The following LLGL2 variants were observed in gnomAD, a reference collection of about 807,000 sequenced individuals.
The protein encoded by LLGL2 is LLGL scribble cell polarity complex component 2.
Under a neutral mutation model 123.2 loss-of-function variants are expected in LLGL2, and 81 were observed. That is an observed-to-expected ratio of 0.66 (90% CI 0.55 to 0.79). The LOEUF (loss-of-function observed/expected upper bound fraction) is 0.79. Ranked by LOEUF, LLGL2 falls within the 30% of genes least tolerant of loss-of-function variation. The probability of loss-of-function intolerance (pLI) is 0.00; values close to 1 mark genes in which losing one functional copy is unlikely to be tolerated. For synonymous variants in LLGL2, 577 were observed against 594.1 expected (o/e 0.97, Z 0.42); for missense variants, 1,273 against 1,414.6 (o/e 0.90, Z 1.61).
chr17:75,547,117 A>G (rs1449658606), intron 2 of LLGL2, among the ~76,000 whole-genome samples: 1 of 152,180 alleles, frequency 6.6e-6, no homozygotes, highest in Admixed American at 6.5e-5. Flanking sequence ...CTTTTGGCTC[A>G]ACTCCTTTAT....
At chr17:75,572,213 A>C (rs1480952734) in intron 19 of LLGL2, 149 bp downstream of exon 19, 3 of 827,112 alleles carry the variant, frequency 3.6e-6, no homozygotes, top group Non-Finnish European at 5.7e-6. Context: ...GTGAGGGGGG[A>C]GTCTCGTGTG....
rs143338056 is a variant in LLGL2 at position 75,563,152 on chromosome 17, G to A, written c.667G>A (p.Val223Met). ...VVIWDLQGSR[V>M]LYHFLSSQQL... ...CATCTGGGACCTACAGGGCAGCCGC[G>A]TGCTCTACCACTTCCTCAGCAGCCA... Residue 223 changes from valine to methionine, a missense_variant, in exon 7 of 26, where the codon GTG becomes ATG. By Grantham distance (21) the Val-to-Met change is conservative (BLOSUM62 1). Coordinates refer to ENST00000392550, the MANE Select transcript of LLGL2 (RefSeq NM_001031803.2). 4.2e-3 allele frequency: 6,766 copies of A among 1,613,112 alleles called. 17 individuals carry two copies. Among genetic ancestry groups the A allele is most frequent in the Middle Eastern group, 0.012 (70 of 6,062 alleles).
At chr17:75,550,835 G>T (rs2054640410) in intron 2 of LLGL2, among the ~76,000 whole-genome samples, 1 of 150,822 alleles carries the variant, frequency 6.6e-6, no homozygotes, top group African/African-American at 2.4e-5. Flanking sequence ...GGCAACTGGG[G>T]CACAGCCAGA....
intron 3 of LLGL2, chr17:75,557,874 C>CTGA (rs1318051230): frequency 2.1e-6 from 1 of 476,754 alleles, no homozygotes; most frequent in East Asian, 4.0e-5. Flanking sequence ...GGGTGGCAGC[C>CTGA]TGACAGTTGC....
Position 75,573,596 on chromosome 17 carries a change from C to G in LLGL2, c.2841C>G (p.Asn947Lys). 6.2e-7 allele frequency: 1 copy of G among 1,611,384 alleles called. No homozygotes were observed. Among genetic ancestry groups the G allele is most frequent in the South Asian group, 1.1e-5 (1 of 91,064 alleles). Reference protein sequence around the residue: ...SAETKNHRPGNGAGPKKAPSR... With the variant: ...SAETKNHRPGKGAGPKKAPSR... ...AAACCAAGAACCACCGCCCTGGTAA[C>G]GGTGCGGGCCCCAAGAAGGCCCCGA... The change falls in exon 21 of 26, where the codon AAC becomes AAG. Residue 947 changes from asparagine to lysine, a missense_variant. By Grantham distance (94) the Asn-to-Lys change is moderately conservative. Coordinates refer to ENST00000392550, the MANE Select transcript of LLGL2 (RefSeq NM_001031803.2).
chr17:75,534,404 C>T (rs190860223), intron 1 of LLGL2, among the ~76,000 whole-genome samples: 1 of 152,344 alleles, frequency 6.6e-6, no homozygotes, highest in African/African-American at 2.4e-5. Flanking sequence ...AGCAGGCAGC[C>T]CCTTTGTCCT....
intron 6 of LLGL2, chr17:75,562,596 T>G: frequency 1.0e-5 from 2 of 191,386 alleles, no homozygotes; most frequent in East Asian, 1.3e-4. Context: ...GGAAATGGAG[T>G]CTCACTCTGT....
rs188039356 is a variant in LLGL2, at chr17:75,555,519, C to T, written c.76-527C>T. Among the ~76,000 whole-genome samples the T allele has an allele frequency of 4.6e-5, 7 of 152,238 alleles. No individual in the cohort carries two copies. In the East Asian group the frequency reaches 1.2e-3, roughly 25 times the overall value. ...TGGGAAGATGGTTGGAATTTGGTGA[C>T]AGTAAGAGTCTGTGAGACCCAGCTG... On this transcript the variant is annotated intron_variant, in intron 2 of 25. Transcript: ENST00000392550.
rs1406572677 is a variant in LLGL2 at position 75,573,116 on chromosome 17, C to T, written c.2563C>T (p.Arg855Ter). The T allele has an allele frequency of 9.3e-6, 15 of 1,612,756 alleles. No individual in the cohort carries two copies. The highest frequency in any genetic ancestry group is 1.6e-4 in the Middle Eastern group (1 of 6,078). Reference sequence around the variant, plus strand: ...CAGCGTGGCCCACTTCGGCAGTCGTCGAGCCGAGGACTACGGGGAGCACCA... The same window carrying T: ...CAGCGTGGCCCACTTCGGCAGTCGTTGAGCCGAGGACTACGGGGAGCACCA... Reference protein sequence around the residue: ...RVSVAHFGSRRAEDYGEHHLA... With the variant: ...RVSVAHFGSR The change falls in exon 20 of 26, where the codon CGA becomes TGA. Residue 855 changes from arginine (R) to a stop codon, truncating the protein, a stop_gained. Coordinates refer to ENST00000392550, the MANE Select transcript of LLGL2 (RefSeq NM_001031803.2). LOFTEE classifies it high-confidence loss of function.
At chr17:75,528,407 G>A (rs746842601) in intron 1 of LLGL2, among the ~76,000 whole-genome samples, 3 of 152,034 alleles carry the variant, frequency 2.0e-5, no homozygotes, top group Admixed American at 1.3e-4. Context: ...AAGCCACCGC[G>A]CCCGGCCTTA....
At position 75,570,043 on chromosome 17, in the gene LLGL2, G is replaced by A; in HGVS notation, c.1662G>A (p.Glu554=). 1 of 1,612,732 alleles carries A rather than the reference G, an allele frequency of 6.2e-7. No homozygotes were observed. The highest frequency in any genetic ancestry group is 8.5e-7 in the Non-Finnish European group (1 of 1,179,832). The change falls in exon 15 of 26, where the codon GAG becomes GAA. Residue 554 remains glutamate, a synonymous_variant. Coordinates refer to ENST00000392550, the MANE Select transcript of LLGL2 (RefSeq NM_001031803.2). ...QVEADLLQDQ[E]GYRWKGHERL... The stretch of plus-strand genomic sequence containing the variant: ...AGGCCGACCTGCTGCAGGACCAAGA[G>A]GGCTACCGCTGGAAGGGGCACGAGC...
In LLGL2 at chr17:75,573,924, C is replaced by T. The variant is rs998311424; in HGVS notation, c.2877-28C>T. 5.8e-6 allele frequency: 9 copies of T among 1,550,454 alleles called. No homozygotes were observed. In the East Asian group the frequency reaches 2.0e-4, roughly 34 times the overall value. On this transcript the variant is annotated intron_variant, in intron 21 of 25. Transcript: ENST00000392550. The stretch of plus-strand genomic sequence containing the variant: ...GAGCCGGGCAGGGAGCCCGGGGGCC[C>T]TGGTCCTCACTGTCTCTTCCCCCAC...
rs752300104 is a variant in LLGL2 at position 75,569,146 on chromosome 17, C to G, written c.1476+15C>G. 1 of 1,613,134 alleles carries G rather than the reference C, an allele frequency of 6.2e-7. No individual in the cohort carries two copies. The highest frequency in any genetic ancestry group is 1.1e-5 in the South Asian group (1 of 91,052). On this transcript the variant is annotated intron_variant, in intron 13 of 25. Coordinates refer to ENST00000392550, the MANE Select transcript of LLGL2 (RefSeq NM_001031803.2). ...CACTCCGCAAGGTGAGGCCAGGAGC[C>G]TGGGACCCAGGAAGGGCAGAGGCCA...
chr17:75,562,463 G>A, intron 6 of LLGL2: 1 of 155,616 alleles, frequency 6.4e-6, no homozygotes, highest in East Asian at 1.9e-4. Flanking sequence ...GCCTTGCCTT[G>A]CCTTATAATT....
chr17:75,574,889 G>A lies in LLGL2; in HGVS notation c.*11G>A, dbSNP rs147991148. On this transcript the variant is annotated 3_prime_UTR_variant, in exon 26 of 26. Transcript: ENST00000392550. ...CCTTCAGCAGAGTGAGTGGCTGAGC[G>A]TCCAGGCTGCGCGATGAGCACACAC... The A allele has an allele frequency of 2.7e-4, 440 of 1,613,996 alleles. No individual in the cohort carries two copies. Among genetic ancestry groups the A allele is most frequent in the Non-Finnish European group, 3.6e-4 (422 of 1,179,950 alleles).
intron 1 of LLGL2, among the ~76,000 whole-genome samples, chr17:75,534,432 T>C (rs2053927176): frequency 6.6e-6 from 1 of 152,066 alleles, no homozygotes. Flanking sequence ...AGGCCTGACC[T>C]GAGCGGAGGA....
chr17:75,563,825 C>G lies in LLGL2; in HGVS notation c.881+19C>G, dbSNP rs1379194630. 8.7e-6 allele frequency: 14 copies of G among 1,612,834 alleles called. No homozygotes were observed. Among genetic ancestry groups the G allele is most frequent in the Non-Finnish European group, 1.2e-5 (14 of 1,179,332 alleles). On this transcript the variant is annotated intron_variant, in intron 9 of 25. Transcript: ENST00000392550. ...GGCAGGGGTAGGTATCCATGCTGGT[C>G]CTCTTTCCTCTCCAGAGCCTTCCTG...
In LLGL2 at chr17:75,574,877, G is replaced by A. The variant is rs757645582; in HGVS notation, c.3062G>A (p.Ter1021=). 6.2e-7 allele frequency: 1 copy of A among 1,614,048 alleles called. No individual in the cohort carries two copies. Among genetic ancestry groups the A allele is most frequent in the Non-Finnish European group, 8.5e-7 (1 of 1,179,976 alleles). ...GCSLSNGGAE[*] ...GTCCCTCTGTGTCCTTCAGCAGAGT[G>A]AGTGGCTGAGCGTCCAGGCTGCGCG... Residue 1021 remains the stop codon, a stop_retained_variant, in exon 26 of 26, where the codon TGA becomes TAA. Coordinates refer to ENST00000392550, the MANE Select transcript of LLGL2 (RefSeq NM_001031803.2).
intron 2 of LLGL2, among the ~76,000 whole-genome samples, chr17:75,551,532 T>C (rs2054673635): frequency 1.3e-5 from 2 of 152,076 alleles, no homozygotes; most frequent in Admixed American, 1.3e-4. Flanking sequence ...TTGAAGGGAA[T>C]GAGGAATGAA....
Sources: gnomAD v4.1 joint callset for allele counts (sites outside exome capture counted in the v4.1 genomes callset) on GRCh38, gnomAD v4.1.1 for gene constraint, MANE v1.5 for transcripts, NCBI Gene and HGNC (gene_info 2026-07-23, HGNC 2026-07-21) for gene names.